Variants in DLG2 observed in about 807,000 individuals in gnomAD.
DLG2 encodes discs large MAGUK scaffold protein 2, also known as disks large homolog 2.
A neutral mutation model predicts 132.5 loss-of-function variants in DLG2; 45 were observed. The ratio of observed to expected loss-of-function variants is 0.34; its 90% CI spans 0.27 to 0.44. DLG2 has a LOEUF of 0.44. Among genes scored for constraint, DLG2 ranks in the 20% least tolerant of loss-of-function variants. The probability of loss-of-function intolerance (pLI) is 1.00; values close to 1 mark genes in which losing one functional copy is unlikely to be tolerated. For missense variants in DLG2, 1,045 were observed against 1,196.9 expected, an observed-to-expected ratio of 0.87 and a Z score of 1.87; for synonymous variants, 424 against 419.6, an observed-to-expected ratio of 1.01 and a Z score of -0.13.
At chr11:85,572,772 G>A (rs902151165) in intron 3 of DLG2, among the ~76,000 whole-genome samples, 3 of 152,176 alleles carry the variant, frequency 2.0e-5, no homozygotes, top group Non-Finnish European at 4.4e-5. Flanking sequence ...AACTTCCTAA[G>A]TTCACTGCAT....
At chr11:85,455,450 T>C (rs73491966) in intron 3 of DLG2, among the ~76,000 whole-genome samples, 5,605 of 152,206 alleles carry the variant, frequency 0.037, 324 homozygotes, top group African/African-American at 0.13. Flanking sequence ...TGCTAGATAT[T>C]GAATCATGTC....
intron 3 of DLG2, among the ~76,000 whole-genome samples, chr11:85,358,362 C>T (rs1210971887): frequency 6.6e-6 from 1 of 152,150 alleles, no homozygotes. Context: ...AAATAACACC[C>T]TCTACAAGCA....
chr11:84,055,863 A>G (rs1345554644), intron 11 of DLG2, among the ~76,000 whole-genome samples: 2 of 152,058 alleles, frequency 1.3e-5, no homozygotes, highest in African/African-American at 4.8e-5. Context: ...GTGAATCTCT[A>G]TTGTCTGGAT....
intron 19 of DLG2, among the ~76,000 whole-genome samples, chr11:83,618,614 T>C (rs956837006): frequency 1.3e-5 from 2 of 152,202 alleles, no homozygotes; most frequent in African/African-American, 2.4e-5. Context: ...CAAGCCAGGA[T>C]TTAAGGCCAG....
At chr11:85,402,124 G>A (rs968488095) in intron 3 of DLG2, among the ~76,000 whole-genome samples, 2 of 152,058 alleles carry the variant, frequency 1.3e-5, no homozygotes, top group African/African-American at 2.4e-5. Flanking sequence ...AAACAGCATG[G>A]CACTGGTACC....
intron 6 of DLG2, chr11:85,021,147 TCC>T: frequency 1.2e-6 from 1 of 828,760 alleles, no homozygotes. Context: ...ACTTAGAAGA[TCC>T]CCGCTGCCCA....
At chr11:83,720,849 A>G (rs1347312947) in intron 18 of DLG2, 1 of 150,476 alleles carries the variant, frequency 6.6e-6, no homozygotes, top group African/African-American at 2.5e-5. Context: ...GCCCTTGTGA[A>G]GGCAGCATTT....
intron 3 of DLG2, among the ~76,000 whole-genome samples, chr11:85,309,787 T>C (rs995407540): frequency 4.6e-5 from 7 of 152,166 alleles, no homozygotes; most frequent in African/African-American, 1.4e-4. Context: ...TTAACTCACC[T>C]CTAGTATCAT....
chr11:85,385,707 C>T (rs563103135), intron 3 of DLG2, among the ~76,000 whole-genome samples: 1 of 152,120 alleles, frequency 6.6e-6, no homozygotes, highest in Non-Finnish European at 1.5e-5. Flanking sequence ...AATTTAAAAG[C>T]TATTTTTCCT....
At chr11:84,637,420 T>C (rs2099642644) in intron 6 of DLG2, among the ~76,000 whole-genome samples, 1 of 152,214 alleles carries the variant, frequency 6.6e-6, no homozygotes, top group Admixed American at 6.5e-5. Context: ...GCAGTGGTCA[T>C]GACTTTGACT....
At chr11:84,819,107 A>ACACACACACACACACACACACACAC (rs58113219) in intron 6 of DLG2, among the ~76,000 whole-genome samples, 1 of 125,552 alleles carries the variant, frequency 8.0e-6, no homozygotes, top group Admixed American at 7.8e-5. Context: ...ACACACACAC[A>ACACACACACACACACACACACACAC]ATTTCGTTTG....
intron 6 of DLG2, among the ~76,000 whole-genome samples, chr11:84,693,884 C>G (rs2058328996): frequency 6.6e-6 from 1 of 151,704 alleles, no homozygotes; most frequent in South Asian, 2.1e-4. Context: ...TTCAAGATTA[C>G]ATTCAGGTCT....
chr11:84,820,729 CT>C lies in DLG2; in HGVS notation c.358-285999del, dbSNP rs137917172. Among the ~76,000 whole-genome samples the C allele has an allele frequency of 6.3e-4, 93 of 147,782 alleles. 1 individual carries two copies. The highest frequency in any genetic ancestry group is 1.3e-3 in the South Asian group (6 of 4,694). ...TTATCCTTCAGATAAAGTGAAATAC[CT>C]TTTTTTTTTTGAGAAGCCGAGCCCC... is the stretch of plus-strand genomic sequence containing the variant. On this transcript the variant is annotated intron_variant, in intron 6 of 27. Transcript: ENST00000376104.
chr11:83,959,082 C>T (rs2087746740), intron 14 of DLG2, among the ~76,000 whole-genome samples: 1 of 151,970 alleles, frequency 6.6e-6, no homozygotes, highest in Non-Finnish European at 1.5e-5. Flanking sequence ...CAATGAATGC[C>T]GATTTATAGG....
At chr11:84,147,980 C>T (rs1436480133) in intron 9 of DLG2, among the ~76,000 whole-genome samples, 1 of 151,368 alleles carries the variant, frequency 6.6e-6, no homozygotes, top group Non-Finnish European at 1.5e-5. Context: ...TTTTTTACCA[C>T]AATGCTATGA....
chr11:84,128,580 T>A (rs1231924857), intron 9 of DLG2, among the ~76,000 whole-genome samples: 1 of 152,172 alleles, frequency 6.6e-6, no homozygotes, highest in East Asian at 1.9e-4. Context: ...TGTTCTAATT[T>A]GCTTTTTCTC....
intron 6 of DLG2, among the ~76,000 whole-genome samples, chr11:84,964,777 A>C (rs2053088840): frequency 6.6e-6 from 1 of 152,118 alleles, no homozygotes; most frequent in Admixed American, 6.6e-5. Flanking sequence ...TTAGGTTAAT[A>C]GCAGCTACAG....
At chr11:85,533,063 A>G (rs1041764959) in intron 3 of DLG2, among the ~76,000 whole-genome samples, 1 of 151,956 alleles carries the variant, frequency 6.6e-6, no homozygotes, top group African/African-American at 2.4e-5. Context: ...TCAGTCTATC[A>G]CTCAGGCTGA....
intron 15 of DLG2, among the ~76,000 whole-genome samples, chr11:83,925,001 G>A (rs2078691689): frequency 6.6e-6 from 1 of 152,058 alleles, no homozygotes; most frequent in Non-Finnish European, 1.5e-5. Flanking sequence ...AACAGTCTGA[G>A]GTCATATTTG....
Sources: gnomAD v4.1 joint callset for allele counts (sites outside exome capture counted in the v4.1 genomes callset) on GRCh38, gnomAD v4.1.1 for gene constraint, MANE v1.5 for transcripts, NCBI Gene and HGNC (gene_info 2026-07-23, HGNC 2026-07-21) for gene names.